EYS: variants seen among roughly 807,000 people sequenced by gnomAD.
The protein encoded by EYS is EGF-like photoreceptor maintenance factor.
A neutral mutation model predicts 282.1 loss-of-function variants in EYS; 250 were observed. That is an observed-to-expected ratio of 0.89 (90% CI 0.80 to 0.98). The LOEUF (loss-of-function observed/expected upper bound fraction) is 0.98. Among genes scored for constraint, EYS ranks in the 50% least tolerant of loss-of-function variants. The pLI is 0.00. For synonymous variants in EYS, 1,355 were observed against 1,282.9 expected, an observed-to-expected ratio of 1.06 and a Z score of -1.20; for missense variants, 4,016 against 3,709.0, an observed-to-expected ratio of 1.08 and a Z score of -2.15.
chr6:64,970,575 T>A (rs768366174), intron 14 of EYS, among the ~76,000 whole-genome samples: 2 of 152,204 alleles, frequency 1.3e-5, no homozygotes, highest in Non-Finnish European at 2.9e-5. Flanking sequence ...TAAAACATCA[T>A]GTGATGCTAA....
At chr6:64,849,102 T>C (rs899111772) in intron 19 of EYS, among the ~76,000 whole-genome samples, 1 of 152,008 alleles carries the variant, frequency 6.6e-6, no homozygotes, top group African/African-American at 2.4e-5. Context: ...TAGTGCAATA[T>C]ATATACAATT....
At chr6:65,387,470 C>A (rs1172163293) in intron 7 of EYS, among the ~76,000 whole-genome samples, 2 of 150,062 alleles carry the variant, frequency 1.3e-5, no homozygotes, top group African/African-American at 2.4e-5. Context: ...TAAGAAAAGC[C>A]CATAAATTTA....
intron 24 of EYS, among the ~76,000 whole-genome samples, chr6:64,594,968 G>A (rs1766534869): frequency 6.6e-6 from 1 of 151,910 alleles, no homozygotes; most frequent in Non-Finnish European, 1.5e-5. Flanking sequence ...GCATTACCCT[G>A]ACACCAAAAC....
chr6:64,536,573 C>A (rs1764525595), intron 26 of EYS, among the ~76,000 whole-genome samples: 1 of 152,080 alleles, frequency 6.6e-6, no homozygotes, highest in African/African-American at 2.4e-5. Flanking sequence ...TTTTAAAAGT[C>A]TACCCTTTTT....
chr6:64,239,161 C>A (rs892458308), intron 30 of EYS, among the ~76,000 whole-genome samples: 2 of 152,138 alleles, frequency 1.3e-5, no homozygotes, highest in African/African-American at 4.8e-5. Flanking sequence ...CATTGATGGG[C>A]ATTTGGGTTG....
chr6:64,216,382 C>T (rs116168357), intron 31 of EYS, among the ~76,000 whole-genome samples: 1 of 152,188 alleles, frequency 6.6e-6, no homozygotes, highest in African/African-American at 2.4e-5. Context: ...TCCTTTGTTT[C>T]TCAGAAGTTG....
chr6:63,841,085 G>A (rs1179127570), intron 36 of EYS, among the ~76,000 whole-genome samples: 1 of 152,080 alleles, frequency 6.6e-6, no homozygotes, highest in East Asian at 1.9e-4. Context: ...ACATATCTGT[G>A]CTAACGGCTC....
chr6:64,833,543 T>C (rs1765286960), intron 19 of EYS, among the ~76,000 whole-genome samples: 1 of 151,898 alleles, frequency 6.6e-6, no homozygotes, highest in African/African-American at 2.4e-5. Flanking sequence ...CATGAGGTTA[T>C]ACATAGGTCA....
At chr6:63,737,136 T>C (rs999622154) in intron 41 of EYS, among the ~76,000 whole-genome samples, 3 of 151,022 alleles carry the variant, frequency 2.0e-5, no homozygotes, top group Non-Finnish European at 3.0e-5. Flanking sequence ...TGAATAGGAG[T>C]GGTGAGAGAG....
chr6:65,667,239 T>C (rs1768231324), intron 1 of EYS, among the ~76,000 whole-genome samples: 2 of 151,922 alleles, frequency 1.3e-5, no homozygotes, highest in Admixed American at 1.3e-4. Flanking sequence ...ATTATGTGAC[T>C]GTTCTGCTAA....
intron 31 of EYS, among the ~76,000 whole-genome samples, chr6:64,177,504 G>T (rs1277417481): frequency 3.3e-5 from 5 of 151,776 alleles, no homozygotes; most frequent in Admixed American, 3.3e-4. Context: ...TTAATCCCTT[G>T]AATTAATTAA....
At chr6:65,376,760 T>C (rs1260530170) in intron 8 of EYS, among the ~76,000 whole-genome samples, 1 of 151,788 alleles carries the variant, frequency 6.6e-6, no homozygotes, top group Non-Finnish European at 1.5e-5. Context: ...CCAAGAAATA[T>C]CAAAAAAGAC....
intron 26 of EYS, among the ~76,000 whole-genome samples, chr6:64,471,136 T>A (rs1776110426): frequency 6.6e-6 from 1 of 152,052 alleles, no homozygotes; most frequent in South Asian, 2.1e-4. Context: ...AGGATAAATT[T>A]AAGTACCAAA....
At chr6:64,548,897 C>T (rs1351540864) in intron 26 of EYS, among the ~76,000 whole-genome samples, 1 of 152,026 alleles carries the variant, frequency 6.6e-6, no homozygotes, top group African/African-American at 2.4e-5. Flanking sequence ...TTCCTCCCAA[C>T]TGTTGCCCAT....
chr6:65,420,015 G>T (rs1233226856), intron 5 of EYS, among the ~76,000 whole-genome samples: 2 of 151,980 alleles, frequency 1.3e-5, no homozygotes, highest in African/African-American at 2.4e-5. Flanking sequence ...CATGCTTTCA[G>T]CAAATCCTAA....
intron 33 of EYS, among the ~76,000 whole-genome samples, chr6:64,059,541 A>C (rs1771093609): frequency 6.6e-6 from 1 of 152,154 alleles, no homozygotes; most frequent in Admixed American, 6.6e-5. Flanking sequence ...TTTATTTTTG[A>C]ATCAATAAAC....
At chr6:64,402,029 A>G (rs1773552317) in intron 28 of EYS, among the ~76,000 whole-genome samples, 1 of 152,096 alleles carries the variant, frequency 6.6e-6, no homozygotes, top group African/African-American at 2.4e-5. Context: ...TAGTTATCTT[A>G]CCATGTCCAC....
In EYS at chr6:64,707,596, G is replaced by A. The variant is rs1444051529; in HGVS notation, c.3444-81351C>T. ...AGGCAGGAGAATGGCGTGAACCCGG[G>A]AGGCCTTGCAGTGAGTGGAGATCAC... On this transcript the variant is annotated intron_variant, in intron 22 of 42. Transcript: ENST00000503581. Among the ~76,000 whole-genome samples, 3 of 151,650 alleles carry A rather than the reference G, an allele frequency of 2.0e-5. No individual in the cohort carries two copies. In the East Asian group the frequency reaches 5.9e-4, roughly 30 times the overall value.
chr6:64,653,381 C>T (rs775909931), intron 22 of EYS, among the ~76,000 whole-genome samples: 1 of 152,052 alleles, frequency 6.6e-6, no homozygotes, highest in East Asian at 1.9e-4. Flanking sequence ...ATAGATACCT[C>T]TATGTTCATG....
Sources: gnomAD v4.1 joint callset for allele counts (sites outside exome capture counted in the v4.1 genomes callset) on GRCh38, gnomAD v4.1.1 for gene constraint, MANE v1.5 for transcripts, NCBI Gene and HGNC (gene_info 2026-07-23, HGNC 2026-07-21) for gene names.